The following PCDHGA6 variants were observed in gnomAD, a reference collection of about 807,000 sequenced individuals.
The protein encoded by PCDHGA6 is protocadherin gamma-A6.
A neutral mutation model predicts 60.6 loss-of-function variants in PCDHGA6; 41 were observed. The ratio of observed to expected loss-of-function variants is 0.68; its 90% confidence interval spans 0.53 to 0.88. The LOEUF (loss-of-function observed/expected upper bound fraction) is 0.88, where lower values mean the gene tolerates loss of function less well. Among genes scored for constraint, PCDHGA6 ranks in the 40% least tolerant of loss-of-function variants. The probability of loss-of-function intolerance (pLI) is 0.00; values close to 1 mark genes in which losing one functional copy is unlikely to be tolerated. For missense variants in PCDHGA6, 1,312 were observed against 1,203.0 expected (o/e 1.09, Z -1.34); for synonymous variants, 594 against 524.4 (o/e 1.13, Z -1.81).
chr5:141,387,830 TTA>T (rs2091113162), intron 1 of PCDHGA6: 1 of 1,590,004 alleles, frequency 6.3e-7, no homozygotes, highest in African/African-American at 1.3e-5. Context: ...AATACAGAGG[TTA>T]TTTGTAACCC....
At position 141,379,353 on chromosome 5, in the gene PCDHGA6, T is replaced by A. The variant is rs536207884; in HGVS notation, c.2424+2846T>A. The A allele has an allele frequency of 1.4e-4, 22 of 152,338 alleles. No individual in the cohort carries two copies. In the South Asian group the frequency reaches 4.6e-3, roughly 32 times the overall value. 9.4% of individuals were successfully genotyped at this position (152,338 alleles called of 1,614,324 possible). A position where few individuals can be genotyped will look rare whatever the true frequency, so the allele number is the denominator to read the frequency against. The stretch of plus-strand genomic sequence containing the variant: ...CATCTTCAAAGCTCATTTTCTTGTA[T>A]CTTTGTGATATAATTTGATAAAATA... On this transcript the variant is annotated intron_variant, in intron 1 of 3. Coordinates refer to ENST00000517434, the MANE Select transcript of PCDHGA6 (RefSeq NM_018919.3).
intron 1 of PCDHGA6, chr5:141,422,092 G>C: frequency 6.2e-7 from 1 of 1,611,520 alleles, no homozygotes; most frequent in Non-Finnish European, 8.5e-7. Flanking sequence ...GGAAAGCAAG[G>C]CTTCTGAAAT....
chr5:141,464,144 A>G (rs1305530394), intron 1 of PCDHGA6, among the ~76,000 whole-genome samples: 1 of 152,030 alleles, frequency 6.6e-6, no homozygotes, highest in South Asian at 2.1e-4. Context: ...GGGCGCCTGT[A>G]GTCCCAGCTA....
At chr5:141,418,933 G>A in intron 1 of PCDHGA6, 2 of 1,614,010 alleles carry the variant, frequency 1.2e-6, no homozygotes, top group Non-Finnish European at 1.7e-6. Flanking sequence ...AGATTATGGA[G>A]GATTCCCCTC....
chr5:141,377,482 G>C (rs1774042121), intron 1 of PCDHGA6: 1 of 152,036 alleles, frequency 6.6e-6, no homozygotes, highest in African/African-American at 2.4e-5. Flanking sequence ...TGTAGTCCCA[G>C]CTACTCGAGA....
intron 1 of PCDHGA6, chr5:141,389,363 C>T (rs776814041): frequency 1.2e-6 from 2 of 1,613,868 alleles, no homozygotes; most frequent in South Asian, 2.2e-5. Flanking sequence ...TGGCCAGTGA[C>T]CTGGAGCAGC....
rs370127569 is a variant in PCDHGA6 at position 141,422,859 on chromosome 5, C to T, written c.2424+46352C>T. 1.4e-5 allele frequency: 22 copies of T among 1,614,148 alleles called. No homozygotes were observed. In the African/African-American group the frequency reaches 2.5e-4, roughly 19 times the overall value. ...GTGACAGCGGGGACCCGCCCCTCAG[C>T]AGCAACGTGTCGCTGAGCCTGTTCG... On this transcript the variant is annotated intron_variant, in intron 1 of 3. Transcript: ENST00000517434.
rs148675327 is a variant in PCDHGA6 at position 141,477,019 on chromosome 5, C to A, written c.2425-17788C>A. On this transcript the variant is annotated intron_variant, in intron 1 of 3. Coordinates refer to ENST00000517434, the MANE Select transcript of PCDHGA6 (RefSeq NM_018919.3). The surrounding 1 kb of genome is among the most constrained non-coding windows in gnomAD (Gnocchi z 4.9). ...AACTATTCGCCTTAGACCTTGTAAC[C>A]GGGATGCTGACAATCAAGGGTCGGC... The A allele has an allele frequency of 1.7e-5, 28 of 1,614,124 alleles. No individual in the cohort carries two copies. The African/African-American group carries it at 2.5e-4, about 15-fold the overall frequency.
intron 1 of PCDHGA6, chr5:141,415,215 C>A: frequency 6.2e-7 from 1 of 1,614,106 alleles, no homozygotes; most frequent in South Asian, 1.1e-5. Flanking sequence ...CGGACCTCGG[C>A]AGCTTCGAGT....
rs535871341 is a variant in PCDHGA6 at position 141,382,152 on chromosome 5, A to G, written c.2424+5645A>G. Among the ~76,000 whole-genome samples, 62 of 152,216 alleles carry G rather than the reference A, an allele frequency of 4.1e-4. 1 individual carries two copies. Among genetic ancestry groups the G allele is most frequent in the African/African-American group, 1.4e-3 (59 of 41,532 alleles). The stretch of plus-strand genomic sequence containing the variant: ...CCCCCCTCTCATTTTTTAAACGGTT[A>G]AAATGAAGGTGTTAGACCGTCTCTA... On this transcript the variant is annotated intron_variant, in intron 1 of 3. Transcript: ENST00000517434.
At chr5:141,412,980 A>G (rs2095595071) in intron 1 of PCDHGA6, 2 of 543,674 alleles carry the variant, frequency 3.7e-6, no homozygotes, top group Non-Finnish European at 6.3e-6. Flanking sequence ...AAACGCAGCC[A>G]GAGCTCAATC....
intron 1 of PCDHGA6, among the ~76,000 whole-genome samples, chr5:141,462,550 A>G (rs1485478117): frequency 6.6e-6 from 1 of 151,942 alleles, no homozygotes; most frequent in East Asian, 1.9e-4. Flanking sequence ...TTTCTTCTTC[A>G]GTGTTTACTG....
Position 141,376,149 on chromosome 5 carries a change from TCA to T in PCDHGA6, c.2068_2069del (p.Thr690SerfsTer75), listed in dbSNP as rs1772336007. On this transcript the variant is annotated frameshift_variant, in exon 1 of 4. Coordinates refer to ENST00000517434, the MANE Select transcript of PCDHGA6 (RefSeq NM_018919.3). LOFTEE classifies it high-confidence loss of function. ...TCCGCCAAACCCAACGATTCGGACC[TCA>T]CTCTGTACCTGGTGGTGGCGGTGGC... is the stretch of plus-strand genomic sequence containing the variant. 2 of 1,613,934 alleles carry T rather than the reference TCA, an allele frequency of 1.2e-6. No homozygotes were observed. The highest frequency in any genetic ancestry group is 1.7e-6 in the Non-Finnish European group (2 of 1,179,966).
Position 141,375,358 on chromosome 5 carries a change from G to C in PCDHGA6, c.1275G>C (p.Thr425=). Reference sequence around the variant, plus strand: ...TGTACAACATCACTGTGACAGCCACGGACAAAGGAACACCACCTCTGTCTA... The same window carrying C: ...TGTACAACATCACTGTGACAGCCACCGACAAAGGAACACCACCTCTGTCTA... ...VFLYNITVTA[T]DKGTPPLSTE... Residue 425 remains threonine (T), a synonymous_variant, in exon 1 of 4, where the codon ACG becomes ACC. Transcript: ENST00000517434. 1 of 1,613,810 alleles carries C rather than the reference G, an allele frequency of 6.2e-7. No individual in the cohort carries two copies. The highest frequency in any genetic ancestry group is 8.5e-7 in the Non-Finnish European group (1 of 1,179,912).
In PCDHGA6 at chr5:141,431,501, C is replaced by G; in HGVS notation, c.2424+54994C>G. On this transcript the variant is annotated intron_variant, in intron 1 of 3. Coordinates refer to ENST00000517434, the MANE Select transcript of PCDHGA6 (RefSeq NM_018919.3). This position sits in a 1 kb window ranked among gnomAD's most constrained non-coding sequence, Gnocchi z 4.8. ...ACCAGCGTTTGCTCAGCCCGAGTAC[C>G]GCGCGAGCGTTCCGGAGAATCTGGC... is the stretch of plus-strand genomic sequence containing the variant. 1 of 1,614,010 alleles carries G rather than the reference C, an allele frequency of 6.2e-7. No homozygotes were observed. The highest frequency in any genetic ancestry group is 8.5e-7 in the Non-Finnish European group (1 of 1,180,034).
At chr5:141,404,924 G>A in intron 1 of PCDHGA6, 1 of 1,613,908 alleles carries the variant, frequency 6.2e-7, no homozygotes, top group South Asian at 1.1e-5. Flanking sequence ...CTCGGCCACT[G>A]TCACGCTCAC....
chr5:141,490,336 G>T lies in PCDHGA6; in HGVS notation c.2425-4471G>T. 2 of 1,614,224 alleles carry T rather than the reference G, an allele frequency of 1.2e-6. No individual in the cohort carries two copies. The highest frequency in any genetic ancestry group is 8.5e-7 in the Non-Finnish European group (1 of 1,180,040). ...CCCTGTCCTAGAGAGCACACCAGTGGGCACAGTAGTGGGGTTGTTTAATGT... is the reference window on the plus strand; with the variant it reads ...CCCTGTCCTAGAGAGCACACCAGTGTGCACAGTAGTGGGGTTGTTTAATGT... On this transcript the variant is annotated intron_variant, in intron 1 of 3. Transcript: ENST00000517434. This position sits in a 1 kb window ranked among gnomAD's most constrained non-coding sequence, Gnocchi z 5.4.
At chr5:141,413,202 G>T (rs768256888) in intron 1 of PCDHGA6, 19 of 1,612,062 alleles carry the variant, frequency 1.2e-5, no homozygotes, top group Non-Finnish European at 1.6e-5. Flanking sequence ...ATCGCTCAAA[G>T]GAATCAAAGG....
chr5:141,499,763 T>C (rs2099794343), intron 2 of PCDHGA6, among the ~76,000 whole-genome samples: 1 of 148,434 alleles, frequency 6.7e-6, no homozygotes, highest in African/African-American at 2.5e-5. Flanking sequence ...CTCAGCTCAC[T>C]GCAGCCTTCG....
Sources: gnomAD v4.1 joint callset for allele counts (sites outside exome capture counted in the v4.1 genomes callset) on GRCh38, gnomAD v4.1.1 for gene constraint, Gnocchi (gnomAD v3.1) non-coding constraint, MANE v1.5 for transcripts, NCBI Gene and HGNC (gene_info 2026-07-23, HGNC 2026-07-21) for gene names.